Variants in VPS33B observed in about 807,000 individuals in gnomAD.
The protein encoded by VPS33B is VPS33B late endosome and lysosome associated.
A neutral mutation model predicts 95.3 loss-of-function variants in VPS33B; 80 were observed. The ratio of observed to expected loss-of-function variants is 0.84; its 90% confidence interval spans 0.70 to 1.01. The LOEUF is 1.01. VPS33B is among the 50% of genes least tolerant of loss of function. The pLI, the probability that VPS33B is intolerant of heterozygous loss-of-function variation, is 0.00. For missense variants in VPS33B, 715 were observed against 773.4 expected (o/e 0.92, Z 0.90); for synonymous variants, 280 against 280.4 (o/e 1.00, Z 0.01).
chr15:91,019,217 A>C (rs1436054162), intron 1 of VPS33B, among the ~76,000 whole-genome samples: 1 of 143,230 alleles, frequency 7.0e-6, no homozygotes, highest in African/African-American at 2.6e-5. Context: ...TCCCAGGGTC[A>C]AGCAATTCTC....
At position 91,016,658 on chromosome 15, in the gene VPS33B, A is replaced by G. The variant is rs961469151; in HGVS notation, c.239+305T>C. Among the ~76,000 whole-genome samples, 5 of 152,322 alleles carry G rather than the reference A, an allele frequency of 3.3e-5. No homozygotes were observed. In the South Asian group the frequency reaches 1.0e-3, roughly 32 times the overall value. On this transcript the variant is annotated intron_variant, in intron 3 of 22. Coordinates refer to ENST00000333371, the MANE Select transcript of VPS33B (RefSeq NM_018668.5). Reference sequence around the variant, plus strand: ...CTCGGCCTCCCAAAGTGCTGGGATTACAGGCATGAGCCGCCGCACCCAGCT... The same window carrying G: ...CTCGGCCTCCCAAAGTGCTGGGATTGCAGGCATGAGCCGCCGCACCCAGCT...
chr15:91,011,131 C>T lies in VPS33B; in HGVS notation c.358-1285G>A, dbSNP rs1325520669. ...CAAGAACTGGCATGGAACAGCTCATCTTAGGAGGGAAAAGGCCACGATCTC... is the reference window on the plus strand; with the variant it reads ...CAAGAACTGGCATGGAACAGCTCATTTTAGGAGGGAAAAGGCCACGATCTC... On this transcript the variant is annotated intron_variant, in intron 5 of 22. Transcript: ENST00000333371. The surrounding 1 kb of genome is among the most constrained non-coding windows in gnomAD (Gnocchi z 5.5). Among the ~76,000 whole-genome samples the T allele has an allele frequency of 1.3e-5, 2 of 152,164 alleles. No individual in the cohort carries two copies. The highest frequency in any genetic ancestry group is 2.4e-5 in the African/African-American group (1 of 41,446).
intron 1 of VPS33B, among the ~76,000 whole-genome samples, chr15:91,019,114 GTTTTTTTTTT>G (rs368381850): frequency 3.4e-5 from 3 of 87,780 alleles, no homozygotes; most frequent in Admixed American, 1.6e-4. Context: ...CTCCTGGCCT[GTTTTTTTTTT>G]TTTTTTTTTT....
chr15:91,014,577 A>C, intron 3 of VPS33B, 144 bp from the exon 4 acceptor site: 1 of 871,038 alleles, frequency 1.1e-6, no homozygotes, highest in Middle Eastern at 2.5e-4. Context: ...CTCTTGGTCC[A>C]CCATATACCA....
At position 91,005,493 on chromosome 15, in the gene VPS33B, C is replaced by G; in HGVS notation, c.1031-39G>C. Reference sequence around the variant, plus strand: ...AAAGGGAGCTGACATACTCCTGGTTCTAGAAAGATGTCCCTTTATTGTCCG... The same window carrying G: ...AAAGGGAGCTGACATACTCCTGGTTGTAGAAAGATGTCCCTTTATTGTCCG... On this transcript the variant is annotated intron_variant, in intron 13 of 22. Transcript: ENST00000333371. The surrounding 1 kb of genome is among the most constrained non-coding windows in gnomAD (Gnocchi z 6.4). 1 of 1,613,036 alleles carries G rather than the reference C, an allele frequency of 6.2e-7. No individual in the cohort carries two copies. Among genetic ancestry groups the G allele is most frequent in the Admixed American group, 1.7e-5 (1 of 60,018 alleles).
In VPS33B at chr15:91,018,396, T is replaced by C. The variant is rs2041004824; in HGVS notation, c.97-511A>G. Among the ~76,000 whole-genome samples, 1 of 152,160 alleles carries C rather than the reference T, an allele frequency of 6.6e-6. No homozygotes were observed. The highest frequency in any genetic ancestry group is 1.5e-5 in the Non-Finnish European group (1 of 68,016). On this transcript the variant is annotated intron_variant, in intron 1 of 22. Coordinates refer to ENST00000333371, the MANE Select transcript of VPS33B (RefSeq NM_018668.5). The surrounding 1 kb of genome is among the most constrained non-coding windows in gnomAD (Gnocchi z 4.7). ...CCCACAATCCCTGTCATACGATTCC[T>C]GCACCACCACTCCTGACACCGATCT...
At chr15:91,003,920 C>T (rs1449430769) in intron 16 of VPS33B, among the ~76,000 whole-genome samples, 1 of 152,122 alleles carries the variant, frequency 6.6e-6, no homozygotes, top group Admixed American at 6.6e-5. Context: ...GCAAATACTT[C>T]TCTGAGTAGA....
intron 1 of VPS33B, among the ~76,000 whole-genome samples, chr15:91,020,541 T>TC (rs2041072817): frequency 6.6e-6 from 1 of 151,620 alleles, no homozygotes; most frequent in African/African-American, 2.4e-5. Context: ...CTTCAGACAT[T>TC]GTTGCAAGTC....
rs2040573056 is a variant in VPS33B, at chr15:91,005,428, T to G, written c.1057A>C (p.Lys353Gln). The G allele has an allele frequency of 9.9e-6, 16 of 1,614,106 alleles. No homozygotes were observed. Among genetic ancestry groups the G allele is most frequent in the Non-Finnish European group, 1.4e-5 (16 of 1,180,020 alleles). ...LHIGACESIM[K>Q]KKTKQDFQEL... ...TGGAAATCCTGCTTGGTTTTCTTCTTCATGATGGATTCACAGGCCCCAATA... is the reference window on the plus strand; with the variant it reads ...TGGAAATCCTGCTTGGTTTTCTTCTGCATGATGGATTCACAGGCCCCAATA... Residue 353 changes from lysine (K) to glutamine (Q), a missense_variant, in exon 14 of 23, where the codon AAG (lysine) becomes CAG (glutamine). Transcript: ENST00000333371. This position sits in a 1 kb window ranked among gnomAD's most constrained non-coding sequence, Gnocchi z 6.4.
Position 91,010,382 on chromosome 15 carries a change from C to T in VPS33B, c.358-536G>A, listed in dbSNP as rs57486507. Among the ~76,000 whole-genome samples, 18,482 of 152,198 alleles carry T rather than the reference C, an allele frequency of 0.12. 1,657 individuals are homozygous for T. The highest frequency in any genetic ancestry group is 0.44 in the East Asian group (2,272 of 5,178). ...TTGGAAGGCCGAGGCAGGTGAATCG[C>T]TTGAGCCCAGAAGTTCTAGACCAGT... On this transcript the variant is annotated intron_variant, in intron 5 of 22. Coordinates refer to ENST00000333371, the MANE Select transcript of VPS33B (RefSeq NM_018668.5). The surrounding 1 kb of genome is among the most constrained non-coding windows in gnomAD (Gnocchi z 5.7).
At position 91,010,746 on chromosome 15, in the gene VPS33B, C is replaced by T. The variant is rs548424381; in HGVS notation, c.358-900G>A. Among the ~76,000 whole-genome samples the T allele has an allele frequency of 1.6e-4, 25 of 152,196 alleles. No homozygotes were observed. Among genetic ancestry groups the T allele is most frequent in the Middle Eastern group, 3.4e-3 (1 of 294 alleles). On this transcript the variant is annotated intron_variant, in intron 5 of 22. Transcript: ENST00000333371. The surrounding 1 kb of genome is among the most constrained non-coding windows in gnomAD (Gnocchi z 5.7). ...GACTGAGAAAGAATACTCAGAGAAG[C>T]AGGGGCAGGAGAAAACAGCAACAGT...
rs1036858636 is a variant in VPS33B, at chr15:91,010,437, C to T, written c.358-591G>A. 4.6e-5 allele frequency among the ~76,000 whole-genome samples: 7 copies of T among 152,096 alleles called. No homozygotes were observed. Among genetic ancestry groups the T allele is most frequent in the Admixed American group, 4.6e-4 (7 of 15,256 alleles). ...GCAACATAGTGACACCCCATCTCTACAAAACAATGCAAAAATTAGCTGGGC... is the reference window on the plus strand; with the variant it reads ...GCAACATAGTGACACCCCATCTCTATAAAACAATGCAAAAATTAGCTGGGC... On this transcript the variant is annotated intron_variant, in intron 5 of 22. Coordinates refer to ENST00000333371, the MANE Select transcript of VPS33B (RefSeq NM_018668.5). This position sits in a 1 kb window ranked among gnomAD's most constrained non-coding sequence, Gnocchi z 5.7.
chr15:91,000,465 G>T lies in VPS33B; in HGVS notation c.1581+25C>A. On this transcript the variant is annotated intron_variant, in intron 20 of 22. Coordinates refer to ENST00000333371, the MANE Select transcript of VPS33B (RefSeq NM_018668.5). This position sits in a 1 kb window ranked among gnomAD's most constrained non-coding sequence, Gnocchi z 4.9. Reference sequence around the variant, plus strand: ...AAAGCAGAGAGAATGAAATATGAATGGGAGCAAGAATTACATGCTCTCACC... The same window carrying T: ...AAAGCAGAGAGAATGAAATATGAATTGGAGCAAGAATTACATGCTCTCACC... 6.3e-7 allele frequency: 1 copy of T among 1,593,372 alleles called. No homozygotes were observed. The highest frequency in any genetic ancestry group is 8.6e-7 in the Non-Finnish European group (1 of 1,163,362).
At chr15:91,014,219 C>CAAAAAAA (rs61232231) in intron 4 of VPS33B, among the ~76,000 whole-genome samples, 165 bp downstream of exon 4, 1 of 59,622 alleles carries the variant, frequency 1.7e-5, no homozygotes, top group African/African-American at 5.7e-5. Context: ...AACTCCGTCT[C>CAAAAAAA]AAAAAAAAAA....
chr15:91,019,775 CAT>C (rs1341306616), intron 1 of VPS33B, among the ~76,000 whole-genome samples: 2 of 151,724 alleles, frequency 1.3e-5, no homozygotes, highest in Non-Finnish European at 2.9e-5. Flanking sequence ...TGTGAGCAAA[CAT>C]AGATTAAGAG....
rs58230462 is a variant in VPS33B, at chr15:91,011,990, A to AAAAACAAAAC, written c.357+1804_357+1813dup. 0.026 allele frequency among the ~76,000 whole-genome samples: 3,878 copies of AAAAACAAAAC among 149,354 alleles called. 163 individuals carry two copies. Among genetic ancestry groups the AAAAACAAAAC allele is most frequent in the African/African-American group, 0.089 (3,537 of 39,924 alleles). Reference sequence around the variant, plus strand: ...GGTGACAGAGCAATGCACTGTCTCCAAAAACAAAACAAAACAAAACAAAAC... The same window carrying AAAAACAAAAC: ...GGTGACAGAGCAATGCACTGTCTCCAAAAACAAAACAAAACAAAACAAAACAAAACAAAAC... On this transcript the variant is annotated intron_variant, in intron 5 of 22. Coordinates refer to ENST00000333371, the MANE Select transcript of VPS33B (RefSeq NM_018668.5). The surrounding 1 kb of genome is among the most constrained non-coding windows in gnomAD (Gnocchi z 5.5).
chr15:91,014,070 T>C (rs1264734718), intron 4 of VPS33B, among the ~76,000 whole-genome samples, 199 bp from the exon 5 acceptor site: 1 of 151,758 alleles, frequency 6.6e-6, no homozygotes, highest in African/African-American at 2.4e-5. Context: ...ACACAAAAAA[T>C]TAGCCCGATC....
At position 91,011,034 on chromosome 15, in the gene VPS33B, A is replaced by G. The variant is rs565322653; in HGVS notation, c.358-1188T>C. On this transcript the variant is annotated intron_variant, in intron 5 of 22. Transcript: ENST00000333371. The surrounding 1 kb of genome is among the most constrained non-coding windows in gnomAD (Gnocchi z 5.5). ...GGGAGACATTGTTTAGAAGGCATAGACATGGGTGAAGGCAGAAGAGAAAGT... is the reference window on the plus strand; with the variant it reads ...GGGAGACATTGTTTAGAAGGCATAGGCATGGGTGAAGGCAGAAGAGAAAGT... Among the ~76,000 whole-genome samples, 1 of 152,320 alleles carries G rather than the reference A, an allele frequency of 6.6e-6. No individual in the cohort carries two copies. Among genetic ancestry groups the G allele is most frequent in the South Asian group, 2.1e-4 (1 of 4,830 alleles).
chr15:91,018,134 T>C lies in VPS33B; in HGVS notation c.97-249A>G. The C allele has an allele frequency of 2.0e-6, 1 of 500,580 alleles. No individual in the cohort carries two copies. The highest frequency in any genetic ancestry group is 3.7e-6 in the Non-Finnish European group (1 of 270,920). 31.0% of individuals were successfully genotyped at this position (500,580 alleles called of 1,614,324 possible). ...CCACCTTCTTTCTCAGGTTAACTCC[T>C]TGTCACTCAACCCTTCTGCTCACCT... is the stretch of plus-strand genomic sequence containing the variant. On this transcript the variant is annotated intron_variant, in intron 1 of 22. Transcript: ENST00000333371. This position sits in a 1 kb window ranked among gnomAD's most constrained non-coding sequence, Gnocchi z 4.7.
Sources: allele counts gnomAD v4.1 joint callset (sites outside exome capture counted in the v4.1 genomes callset), GRCh38; gene constraint gnomAD v4.1.1; non-coding constraint Gnocchi (gnomAD v3.1); transcripts MANE v1.5; gene names NCBI Gene and HGNC (gene_info 2026-07-23, HGNC 2026-07-21).